Variants in UGT2A2 observed in about 807,000 individuals in gnomAD.
The protein encoded by UGT2A2 is UDP-glucuronosyltransferase 2A2.
In UGT2A2, 60 loss-of-function variants were observed where a neutral mutation model predicts 50.7. The ratio of observed to expected loss-of-function variants is 1.18; its 90% CI spans 0.96 to 1.47. The LOEUF is 1.47. Among genes scored for constraint, UGT2A2 ranks in the 40% most tolerant of loss-of-function variants. The pLI, the probability that UGT2A2 is intolerant of heterozygous loss-of-function variation, is 0.00. For missense variants in UGT2A2, 762 were observed against 634.0 expected (o/e 1.20, Z -2.17); for synonymous variants, 242 against 214.6 (o/e 1.13, Z -1.11).
At position 69,589,612 on chromosome 4, in the gene UGT2A2, A is replaced by C; in HGVS notation, c.1371T>G (p.His457Gln). The change falls in exon 6 of 6, where the codon CAT becomes CAG. Residue 457 changes from histidine to glutamine, a missense_variant. By Grantham distance (24) the His-to-Gln change is conservative (BLOSUM62 0). Transcript: ENST00000604629. ...ENAMRLSRIHHDQPVKPLDRA... is the reference protein window; with the variant it reads ...ENAMRLSRIHQDQPVKPLDRA... ...GATCCAGGGGCTTTACAGGTTGATC[A>C]TGGTGAATTCTTGATAACCTCATAG... 6.2e-7 allele frequency: 1 copy of C among 1,613,952 alleles called. No homozygotes were observed. Among genetic ancestry groups the C allele is most frequent in the Non-Finnish European group, 8.5e-7 (1 of 1,179,862 alleles).
In UGT2A2 at chr4:69,588,633, A is replaced by T. The variant is rs1295240024; in HGVS notation, c.*739T>A. 2.0e-5 allele frequency: 3 copies of T among 152,034 alleles called. No individual in the cohort carries two copies. Among genetic ancestry groups the T allele is most frequent in the African/African-American group, 7.2e-5 (3 of 41,394 alleles). 9.4% of individuals were successfully genotyped at this position (152,034 alleles called of 1,614,324 possible). On this transcript the variant is annotated 3_prime_UTR_variant, in exon 6 of 6. Transcript: ENST00000604629. Reference sequence around the variant, plus strand: ...TCTAAATATGATCTGTTCACCTTCAACATATAACATAGAACTTTCTCCTTG... The same window carrying T: ...TCTAAATATGATCTGTTCACCTTCATCATATAACATAGAACTTTCTCCTTG...
chr4:69,626,232 C>T (rs186980795), intron 1 of UGT2A2, among the ~76,000 whole-genome samples: 3 of 150,588 alleles, frequency 2.0e-5, no homozygotes, highest in South Asian at 2.1e-4. Flanking sequence ...TAGAAGCTTG[C>T]GTTTAAGTTT....
chr4:69,637,346 T>G (rs1197706372), intron 1 of UGT2A2, among the ~76,000 whole-genome samples: 1 of 152,072 alleles, frequency 6.6e-6, no homozygotes, highest in Non-Finnish European at 1.5e-5. Context: ...GAAAACTTTT[T>G]GATAAAAAAA....
intron 5 of UGT2A2, among the ~76,000 whole-genome samples, chr4:69,593,590 C>T (rs968409112): frequency 2.6e-5 from 4 of 151,214 alleles, no homozygotes; most frequent in Non-Finnish European, 4.4e-5. Flanking sequence ...GCTATGTATA[C>T]ATAACTCAAT....
chr4:69,628,105 A>G (rs191580991), intron 1 of UGT2A2, among the ~76,000 whole-genome samples: 3 of 151,986 alleles, frequency 2.0e-5, no homozygotes, highest in Admixed American at 2.0e-4. Context: ...GCATTTCCCT[A>G]TGCTTTCTTC....
chr4:69,635,508 A>G (rs1159401008), intron 1 of UGT2A2, among the ~76,000 whole-genome samples: 1 of 152,206 alleles, frequency 6.6e-6, no homozygotes, highest in African/African-American at 2.4e-5. Context: ...TTTGCTGTAC[A>G]GCAGATCTCT....
intron 1 of UGT2A2, among the ~76,000 whole-genome samples, chr4:69,616,162 A>G (rs7670819): frequency 0.51 from 78,024 of 151,624 alleles, 20,498 homozygotes; most frequent in Non-Finnish European, 0.56. Context: ...TGGAAGCTAA[A>G]AACAATAATT....
At chr4:69,634,921 G>C (rs1247866344) in intron 1 of UGT2A2, among the ~76,000 whole-genome samples, 7 of 152,002 alleles carry the variant, frequency 4.6e-5, no homozygotes, top group Non-Finnish European at 8.8e-5. Context: ...TAACTGTTAA[G>C]AGATTTGTTT....
Position 69,596,232 on chromosome 4 carries a change from A to G in UGT2A2, c.1023+18T>C. The G allele has an allele frequency of 1.3e-6, 2 of 1,503,006 alleles. No individual in the cohort carries two copies. Among genetic ancestry groups the G allele is most frequent in the Non-Finnish European group, 1.8e-6 (2 of 1,123,084 alleles). The allele number at this position is 1,503,006 out of a possible 1,614,324, so 93.1% of individuals were successfully genotyped here. On this transcript the variant is annotated intron_variant, in intron 3 of 5. Transcript: ENST00000604629. ...CATTAGTAAAAAGCTGTGTACCAGG[A>G]TTCCAGGCTGTACTGACCTTCTGTG...
chr4:69,594,275 A>G (rs1486218165), intron 5 of UGT2A2, among the ~76,000 whole-genome samples: 1 of 152,096 alleles, frequency 6.6e-6, no homozygotes, highest in Non-Finnish European at 1.5e-5. Context: ...CGCCCGGCCA[A>G]TATTTGAAGT....
In UGT2A2 at chr4:69,626,133, C is replaced by A. The variant is rs573285253; in HGVS notation, c.742+12766G>T. Among the ~76,000 whole-genome samples, 3 of 150,868 alleles carry A rather than the reference C, an allele frequency of 2.0e-5. No individual in the cohort carries two copies. The East Asian group carries it at 5.8e-4, about 29-fold the overall frequency. ...TTCATAACTTTTTTTTCTGATTTTA[C>A]CTTGTTGGATACTGGGCTATTTTTT... On this transcript the variant is annotated intron_variant, in intron 1 of 5. Coordinates refer to ENST00000604629, the MANE Select transcript of UGT2A2 (RefSeq NM_001105677.2).
At chr4:69,596,218 A>T (rs376099264) in intron 3 of UGT2A2, 32 bp downstream of exon 3, 6 of 1,466,378 alleles carry the variant, frequency 4.1e-6, no homozygotes, top group Non-Finnish European at 5.4e-6. Flanking sequence ...ATTAGTAAAA[A>T]GCTGTGTACC....
intron 1 of UGT2A2, among the ~76,000 whole-genome samples, chr4:69,625,730 T>C (rs1017634750): frequency 4.0e-5 from 6 of 151,484 alleles, no homozygotes; most frequent in African/African-American, 1.5e-4. Flanking sequence ...CATACAGAAA[T>C]ACAGAGCAAC....
chr4:69,599,255 A>G lies in UGT2A2; in HGVS notation c.882T>C (p.Pro294=). Residue 294 remains proline (P), a synonymous_variant, in exon 2 of 6, where the codon CCT becomes CCC. Transcript: ENST00000604629. ...ACTGTTGTAGACCTACCTTAGGTAA[A>G]GGTTTGGCAGGTTTGCAGTGCAATC... is the stretch of plus-strand genomic sequence containing the variant. ...VGGLHCKPAK[P]LPKEMEEFIQ... The G allele has an allele frequency of 6.2e-7, 1 of 1,613,346 alleles. No homozygotes were observed. Among genetic ancestry groups the G allele is most frequent in the Non-Finnish European group, 8.5e-7 (1 of 1,179,730 alleles).
At position 69,594,650 on chromosome 4, in the gene UGT2A2, C is replaced by T. The variant is rs1371906967; in HGVS notation, c.1158G>A (p.Gly386=). ...KAFITHGGTN[G]IYEAIYHGVP... is the part of the protein sequence containing the mutation. ...CTCCGTGGTAAATAGCTTCGTAGATCCCATTAGTTCCACCATGAGTGATAA... is the reference window on the plus strand; with the variant it reads ...CTCCGTGGTAAATAGCTTCGTAGATTCCATTAGTTCCACCATGAGTGATAA... The change falls in exon 5 of 6, where the codon GGG becomes GGA. Residue 386 remains glycine (G), a synonymous_variant. Transcript: ENST00000604629. The T allele has an allele frequency of 1.9e-6, 3 of 1,614,054 alleles. No individual in the cohort carries two copies. Among genetic ancestry groups the T allele is most frequent in the South Asian group, 2.2e-5 (2 of 91,078 alleles).
rs1183850537 is a variant in UGT2A2 at position 69,589,455 on chromosome 4, T to A, written c.1528A>T (p.Thr510Ser). Residue 510 changes from threonine (T) to serine (S), a missense_variant, in exon 6 of 6, where the codon ACG becomes TCG. Physicochemically the swap from Thr to Ser is moderately conservative, Grantham distance 58 (BLOSUM62 1). Transcript: ENST00000604629. ...VIGFLLVCVT[T>S]AIFLVIQCCL... Reference sequence around the variant, plus strand: ...CATTGTATGACCAAAAATATAGCCGTTGTCACACAGACCAGCAAGAACCCA... The same window carrying A: ...CATTGTATGACCAAAAATATAGCCGATGTCACACAGACCAGCAAGAACCCA... The A allele has an allele frequency of 1.2e-6, 2 of 1,614,004 alleles. No homozygotes were observed. Among genetic ancestry groups the A allele is most frequent in the Admixed American group, 1.7e-5 (1 of 59,980 alleles).
intron 1 of UGT2A2, among the ~76,000 whole-genome samples, chr4:69,604,470 C>G (rs1719480872): frequency 7.3e-6 from 1 of 136,914 alleles, no homozygotes; most frequent in Non-Finnish European, 1.6e-5. Flanking sequence ...AAAAACATGC[C>G]ACATTGTACA....
At chr4:69,629,690 C>T (rs1379328572) in intron 1 of UGT2A2, among the ~76,000 whole-genome samples, 1 of 152,104 alleles carries the variant, frequency 6.6e-6, no homozygotes, top group African/African-American at 2.4e-5. Context: ...CTGTACAACT[C>T]TACTGGAAGA....
intron 1 of UGT2A2, among the ~76,000 whole-genome samples, chr4:69,604,545 G>T (rs1385490198): frequency 7.3e-6 from 1 of 136,368 alleles, no homozygotes; most frequent in Non-Finnish European, 1.6e-5. Flanking sequence ...ACATCATAAT[G>T]ACAGGATCAA....
Sources: gnomAD v4.1 joint callset for allele counts (sites outside exome capture counted in the v4.1 genomes callset) on GRCh38, gnomAD v4.1.1 for gene constraint, MANE v1.5 for transcripts, NCBI Gene and HGNC (gene_info 2026-07-23, HGNC 2026-07-21) for gene names.